Variants in SNTB1 observed in about 807,000 individuals in gnomAD.
The protein encoded by SNTB1 is syntrophin beta 1, also known as beta-1-syntrophin.
A neutral mutation model predicts 48.9 loss-of-function variants in SNTB1; 36 were observed. The ratio of observed to expected loss-of-function variants is 0.74; its 90% confidence interval spans 0.56 to 0.97. SNTB1 has a LOEUF of 0.97. SNTB1 is among the 50% of genes least tolerant of loss of function. The probability of loss-of-function intolerance (pLI) is 0.00; values close to 1 mark genes in which losing one functional copy is unlikely to be tolerated. For missense variants in SNTB1, 786 were observed against 703.4 expected (o/e 1.12, Z -1.33); for synonymous variants, 299 against 294.6 (o/e 1.01, Z -0.15).
chr8:120,724,437 C>T (rs1818720522), intron 1 of SNTB1, among the ~76,000 whole-genome samples: 1 of 152,190 alleles, frequency 6.6e-6, no homozygotes, highest in Non-Finnish European at 1.5e-5. Flanking sequence ...ACAAGTTGAG[C>T]TCCTCAGCCC....
At chr8:120,720,838 A>C (rs1243592262) in intron 1 of SNTB1, among the ~76,000 whole-genome samples, 1 of 152,168 alleles carries the variant, frequency 6.6e-6, no homozygotes, top group Non-Finnish European at 1.5e-5. Context: ...GGTGAGAAGA[A>C]GAGTGGCCAA....
chr8:120,770,228 C>T (rs1230177226), intron 1 of SNTB1, among the ~76,000 whole-genome samples: 1 of 152,110 alleles, frequency 6.6e-6, no homozygotes, highest in African/African-American at 2.4e-5. Flanking sequence ...GGCTTTTCCT[C>T]CCAACAAATA....
chr8:120,580,754 C>T (rs1816035022), intron 3 of SNTB1, among the ~76,000 whole-genome samples: 1 of 152,128 alleles, frequency 6.6e-6, no homozygotes, highest in Admixed American at 6.5e-5. Flanking sequence ...GCTTTACAAA[C>T]ATTAGATAAT....
intron 1 of SNTB1, among the ~76,000 whole-genome samples, chr8:120,701,446 G>A (rs1176771707): frequency 2.0e-5 from 3 of 152,092 alleles, no homozygotes; most frequent in Non-Finnish European, 4.4e-5. Flanking sequence ...TTGGGAAGCT[G>A]CCTTTTCTGA....
intron 2 of SNTB1, among the ~76,000 whole-genome samples, chr8:120,689,407 G>C (rs763437619): frequency 1.3e-5 from 2 of 148,596 alleles, no homozygotes; most frequent in Non-Finnish European, 3.0e-5. Flanking sequence ...CTTGGGGTCA[G>C]CTAGGCTTGG....
chr8:120,693,531 T>TCACA (rs1314851447), intron 2 of SNTB1, among the ~76,000 whole-genome samples, 161 bp downstream of exon 2: 7 of 152,138 alleles, frequency 4.6e-5, no homozygotes, highest in African/African-American at 1.7e-4. Flanking sequence ...TCTCTCTCTT[T>TCACA]CACACACAGA....
At chr8:120,610,294 G>A (rs1020249534) in intron 3 of SNTB1, among the ~76,000 whole-genome samples, 4 of 152,042 alleles carry the variant, frequency 2.6e-5, no homozygotes, top group Admixed American at 6.6e-5. Context: ...ATACCACTGT[G>A]CCCAGCTAAT....
At chr8:120,747,331 C>A (rs946907914) in intron 1 of SNTB1, among the ~76,000 whole-genome samples, 1 of 152,138 alleles carries the variant, frequency 6.6e-6, no homozygotes, top group African/African-American at 2.4e-5. Flanking sequence ...TGGTCTGTCG[C>A]CCAGGCTGGA....
intron 2 of SNTB1, among the ~76,000 whole-genome samples, chr8:120,661,844 T>C (rs1006170007): frequency 6.6e-6 from 1 of 152,186 alleles, no homozygotes; most frequent in Non-Finnish European, 1.5e-5. Context: ...TTTTTATGGC[T>C]GCGAGTCCAG....
chr8:120,792,732 T>C (rs1476253672), intron 1 of SNTB1, among the ~76,000 whole-genome samples: 1 of 151,992 alleles, frequency 6.6e-6, no homozygotes, highest in Non-Finnish European at 1.5e-5. Context: ...TTCAAAGGTT[T>C]GGGATTTTAT....
chr8:120,768,306 C>G (rs1331454141), intron 1 of SNTB1, among the ~76,000 whole-genome samples: 13 of 152,188 alleles, frequency 8.5e-5, no homozygotes, highest in Non-Finnish European at 2.9e-5. Context: ...GAGTACCCTA[C>G]AGCCAGTAGT....
At position 120,706,984 on chromosome 8, in the gene SNTB1, C is replaced by G. The variant is rs193005389; in HGVS notation, c.572-13076G>C. Among the ~76,000 whole-genome samples the G allele has an allele frequency of 1.4e-4, 21 of 152,232 alleles. No homozygotes were observed. In the East Asian group the frequency reaches 4.1e-3, roughly 29 times the overall value. ...CCGAATATGCTGCAAATCTAAAGTA[C>G]TTGTAGAGGCATCTGAAGGTAAGGT... On this transcript the variant is annotated intron_variant, in intron 1 of 6. Transcript: ENST00000517992.
rs746584945 is a variant in SNTB1 at position 120,811,573 on chromosome 8, C to G, written c.271G>C (p.Val91Leu). 6.4e-6 allele frequency: 10 copies of G among 1,565,064 alleles called. No homozygotes were observed. In the African/African-American group the frequency reaches 1.4e-4, roughly 21 times the overall value. The change falls in exon 1 of 7, where the codon GTC becomes CTC. Residue 91 changes from valine (V) to leucine (L), a missense_variant. Val to Leu is a conservative substitution (Grantham distance 32). Coordinates refer to ENST00000517992, the MANE Select transcript of SNTB1 (RefSeq NM_021021.4). ...GGCAGGTCGGTGAAAGCGGTGCGGA[C>G]CCCGGCGGGCGAGTCCGGGGGCTGC... ...GAQPPDSPAG[V>L]RTAFTDLPEQ...
intron 1 of SNTB1, among the ~76,000 whole-genome samples, chr8:120,705,862 A>G (rs879697646): frequency 6.6e-6 from 1 of 152,204 alleles, no homozygotes; most frequent in Non-Finnish European, 1.5e-5. Flanking sequence ...CCTCATCTGT[A>G]TAATGCGGAA....
intron 1 of SNTB1, among the ~76,000 whole-genome samples, chr8:120,707,680 T>C (rs543354037): frequency 3.3e-5 from 5 of 152,122 alleles, no homozygotes; most frequent in South Asian, 2.1e-4. Flanking sequence ...CAAATCGAGG[T>C]TCATAGAGTT....
intron 3 of SNTB1, among the ~76,000 whole-genome samples, chr8:120,627,284 C>A (rs193111246): frequency 6.6e-6 from 1 of 152,074 alleles, no homozygotes; most frequent in Non-Finnish European, 1.5e-5. Context: ...GAGAGACTGG[C>A]GTATCTAATT....
intron 3 of SNTB1, among the ~76,000 whole-genome samples, chr8:120,625,785 T>C (rs1327390842): frequency 6.6e-6 from 1 of 152,172 alleles, no homozygotes; most frequent in East Asian, 1.9e-4. Flanking sequence ...CCATAACCAA[T>C]AGTCTTGATT....
At chr8:120,705,282 A>G (rs1340088633) in intron 1 of SNTB1, among the ~76,000 whole-genome samples, 1 of 152,164 alleles carries the variant, frequency 6.6e-6, no homozygotes, top group African/African-American at 2.4e-5. Flanking sequence ...TTGTTCTTTC[A>G]CTCACTCATA....
chr8:120,600,126 TAG>T (rs1201145233), intron 3 of SNTB1, among the ~76,000 whole-genome samples: 2 of 152,200 alleles, frequency 1.3e-5, no homozygotes, highest in Non-Finnish European at 2.9e-5. Context: ...CATCAAGAAG[TAG>T]AGTCTCTTTC....
Sources: allele counts gnomAD v4.1 joint callset (sites outside exome capture counted in the v4.1 genomes callset), GRCh38; gene constraint gnomAD v4.1.1; transcripts MANE v1.5; gene names NCBI Gene and HGNC (gene_info 2026-07-23, HGNC 2026-07-21).